Variants in ARHGAP32 observed in about 807,000 individuals in gnomAD.
The protein encoded by ARHGAP32 is Rho GTPase activating protein 32, also known as rho GTPase-activating protein 32.
In ARHGAP32, 51 loss-of-function variants were observed where a neutral mutation model predicts 186.5. The ratio of observed to expected loss-of-function variants is 0.27; its 90% CI spans 0.22 to 0.35. The LOEUF is 0.35. ARHGAP32 is among the 10% of genes least tolerant of loss of function. The probability of loss-of-function intolerance (pLI) is 1.00; values close to 1 mark genes in which losing one functional copy is unlikely to be tolerated. For synonymous variants in ARHGAP32, 950 were observed against 964.3 expected (o/e 0.99, Z 0.27); for missense variants, 2,186 against 2,623.5 (o/e 0.83, Z 3.64).
rs1591714019 is a variant in ARHGAP32, at chr11:129,241,575, G to C, written c.-5+37571C>G. Among the ~76,000 whole-genome samples, 4 of 152,134 alleles carry C rather than the reference G, an allele frequency of 2.6e-5. No homozygotes were observed. In the South Asian group the frequency reaches 8.3e-4, roughly 32 times the overall value. The stretch of plus-strand genomic sequence containing the variant: ...TGGGAGAGTCACTTGAGCCCAGAAG[G>C]TCAAGGCTGCAGTGAGACGTGATGA... On this transcript the variant is annotated intron_variant, in intron 1 of 6. Transcript: ENST00000525234.
chr11:129,212,004 AT>A (rs1252107318), intron 1 of ARHGAP32, among the ~76,000 whole-genome samples: 2 of 151,960 alleles, frequency 1.3e-5, no homozygotes, highest in Non-Finnish European at 2.9e-5. Flanking sequence ...AAAATATAAA[AT>A]TAGGCAGGCA....
intron 2 of ARHGAP32, among the ~76,000 whole-genome samples, chr11:129,154,498 C>A (rs185098003): frequency 2.6e-5 from 4 of 152,176 alleles, no homozygotes; most frequent in Admixed American, 6.5e-5. Flanking sequence ...CCTTGACCAA[C>A]AAGTGGATAA....
At chr11:129,037,516 A>T (rs1217170897) in intron 11 of ARHGAP32, among the ~76,000 whole-genome samples, 1 of 152,000 alleles carries the variant, frequency 6.6e-6, no homozygotes, top group Non-Finnish European at 1.5e-5. Context: ...TTAAAAATAC[A>T]AAAGAATATC....
chr11:129,084,559 C>T (rs1258343206), intron 6 of ARHGAP32, among the ~76,000 whole-genome samples: 1 of 152,052 alleles, frequency 6.6e-6, no homozygotes, highest in East Asian at 1.9e-4. Context: ...GAATAAAAAT[C>T]ACATGATTTC....
intron 11 of ARHGAP32, among the ~76,000 whole-genome samples, chr11:129,031,410 G>A (rs1028756476): frequency 1.3e-4 from 20 of 152,142 alleles, no homozygotes; most frequent in Admixed American, 1.2e-3. Flanking sequence ...ATAAAATGTG[G>A]CATAGGGATT....
At chr11:129,255,608 A>G (rs1945244669) in intron 1 of ARHGAP32, among the ~76,000 whole-genome samples, 3 of 152,110 alleles carry the variant, frequency 2.0e-5, no homozygotes, top group Non-Finnish European at 4.4e-5. Context: ...GCAGGAAAAG[A>G]TACTCACAAT....
chr11:128,973,936 GC>G lies in ARHGAP32; in HGVS notation c.3073+187del, dbSNP rs533664074. The G allele has an allele frequency of 7.2e-5, 46 of 638,176 alleles. No homozygotes were observed. In the African/African-American group the frequency reaches 8.0e-4, roughly 11 times the overall value. 39.5% of individuals were successfully genotyped at this position (638,176 alleles called of 1,614,324 possible). ...GTGAAGATTTGAAGCAGGACCATTGGCCCTTTTGGGGAGTTTTGTTGGACTG... is the reference window on the plus strand; with the variant it reads ...GTGAAGATTTGAAGCAGGACCATTGGCCTTTTGGGGAGTTTTGTTGGACTG... On this transcript the variant is annotated intron_variant, in intron 21 of 22. Transcript: ENST00000682385.
intron 6 of ARHGAP32, among the ~76,000 whole-genome samples, chr11:129,071,975 C>T (rs1405511622): frequency 1.3e-5 from 2 of 152,184 alleles, no homozygotes; most frequent in African/African-American, 4.8e-5. Context: ...ACAAACATCA[C>T]ATGGTCTCAC....
At chr11:129,043,600 C>G (rs1390682495) in intron 10 of ARHGAP32, among the ~76,000 whole-genome samples, 6 of 151,908 alleles carry the variant, frequency 3.9e-5, no homozygotes, top group Non-Finnish European at 7.4e-5. Context: ...GTTGGTCAGG[C>G]TGGTCGTGAA....
In ARHGAP32 at chr11:129,168,619, A is replaced by C. The variant is rs189418727; in HGVS notation, c.117-4192T>G. Among the ~76,000 whole-genome samples, 7 of 152,368 alleles carry C rather than the reference A, an allele frequency of 4.6e-5. No individual in the cohort carries two copies. In the East Asian group the frequency reaches 1.3e-3, roughly 29 times the overall value. On this transcript the variant is annotated intron_variant, in intron 1 of 22. Coordinates refer to ENST00000682385, the MANE Select transcript of ARHGAP32 (RefSeq NM_001378024.1). ...TCAATGGCTGATAGAATAAGCAGAC[A>C]AAACTGTAAGTATATGACTTGAACA...
chr11:129,210,595 A>G (rs1021464411), intron 1 of ARHGAP32, among the ~76,000 whole-genome samples: 9 of 152,206 alleles, frequency 5.9e-5, no homozygotes, highest in African/African-American at 1.9e-4. Flanking sequence ...CAATACTTGC[A>G]AAAATACCAC....
rs1432025506 is a variant in ARHGAP32, at chr11:129,232,107, C to T, written c.-5+47039G>A. Among the ~76,000 whole-genome samples the T allele has an allele frequency of 2.7e-5, 4 of 150,836 alleles. No individual in the cohort carries two copies. In the East Asian group the frequency reaches 7.9e-4, roughly 30 times the overall value. On this transcript the variant is annotated intron_variant, in intron 1 of 6. Transcript: ENST00000525234. ...CTCACTTCTCTGTTCCCATTTCTTC[C>T]TTCCCACAGGTGTTGATACCAGTAT... is the stretch of plus-strand genomic sequence containing the variant.
intron 1 of ARHGAP32, among the ~76,000 whole-genome samples, chr11:129,225,680 T>C (rs1208332780): frequency 6.6e-6 from 1 of 152,086 alleles, no homozygotes; most frequent in Admixed American, 6.6e-5. Flanking sequence ...TTATATAAAA[T>C]GTCCAGTCTT....
At chr11:129,007,721 G>T (rs1292447348) in intron 11 of ARHGAP32, among the ~76,000 whole-genome samples, 1 of 152,170 alleles carries the variant, frequency 6.6e-6, no homozygotes, top group African/African-American at 2.4e-5. Context: ...TAGCCACCCT[G>T]GCTGGTGTCT....
At chr11:129,270,015 T>C (rs1945454822) in intron 1 of ARHGAP32, among the ~76,000 whole-genome samples, 1 of 151,842 alleles carries the variant, frequency 6.6e-6, no homozygotes, top group Non-Finnish European at 1.5e-5. Context: ...CATGCTTAGG[T>C]ATTTACACAA....
intron 12 of ARHGAP32, among the ~76,000 whole-genome samples, chr11:128,994,712 C>T (rs1316831068): frequency 6.6e-6 from 1 of 152,062 alleles, no homozygotes; most frequent in Non-Finnish European, 1.5e-5. Context: ...ATTAAAAAAC[C>T]ATTTTATTTC....
intron 2 of ARHGAP32, among the ~76,000 whole-genome samples, chr11:129,135,905 G>A (rs779724159): frequency 6.6e-5 from 10 of 152,116 alleles, no homozygotes; most frequent in African/African-American, 1.4e-4. Flanking sequence ...TGGGATAGGC[G>A]AAGATTTCTT....
At chr11:129,003,422 C>T (rs2134768733) in intron 11 of ARHGAP32, among the ~76,000 whole-genome samples, 1 of 152,302 alleles carries the variant, frequency 6.6e-6, no homozygotes, top group Admixed American at 6.5e-5. Context: ...GTACTCTCTC[C>T]TCTATTTTCT....
At chr11:129,170,855 C>T (rs1425102625) in intron 1 of ARHGAP32, among the ~76,000 whole-genome samples, 1 of 152,108 alleles carries the variant, frequency 6.6e-6, no homozygotes, top group Non-Finnish European at 1.5e-5. Context: ...TTTTAATAAT[C>T]GCCATCCTGA....
Sources: gnomAD v4.1 joint callset for allele counts (sites outside exome capture counted in the v4.1 genomes callset) on GRCh38, gnomAD v4.1.1 for gene constraint, MANE v1.5 for transcripts, NCBI Gene and HGNC (gene_info 2026-07-23, HGNC 2026-07-21) for gene names.